Variants in PEPD observed in about 807,000 individuals in gnomAD.
PEPD encodes the protein xaa-Pro dipeptidase.
A neutral mutation model predicts 60.7 loss-of-function variants in PEPD; 53 were observed. The ratio of observed to expected loss-of-function variants is 0.87; its 90% CI spans 0.70 to 1.10. The LOEUF is 1.10. Ranked by LOEUF, PEPD falls within the 50% of genes least tolerant of loss-of-function variation. The probability of loss-of-function intolerance (pLI) is 0.00; values close to 1 mark genes in which losing one functional copy is unlikely to be tolerated. For synonymous variants in PEPD, 267 were observed against 284.1 expected (o/e 0.94, Z 0.60); for missense variants, 711 against 711.9 (o/e 1.00, Z 0.01).
intron 1 of PEPD, among the ~76,000 whole-genome samples, chr19:33,520,673 G>A (rs1371623401): frequency 1.3e-5 from 2 of 152,094 alleles, no homozygotes; most frequent in Non-Finnish European, 2.9e-5. Context: ...ACTTTCTGTT[G>A]CCATTTTCCC....
chr19:33,401,237 C>A (rs535484668), intron 12 of PEPD, among the ~76,000 whole-genome samples: 1 of 152,242 alleles, frequency 6.6e-6, no homozygotes, highest in Non-Finnish European at 1.5e-5. Context: ...GTGCTTTACA[C>A]AGCTTAACTC....
Position 33,488,000 on chromosome 19 carries a change from G to C in PEPD, c.503+1996C>G, listed in dbSNP as rs530118756. On this transcript the variant is annotated intron_variant, in intron 6 of 14. Transcript: ENST00000244137. ...GGAACCTCAAGGAGCAGCTGGCAGA[G>C]CTCTGCTTCAGAGGCCACATCTTGA... Among the ~76,000 whole-genome samples, 4 of 152,196 alleles carry C rather than the reference G, an allele frequency of 2.6e-5. No individual in the cohort carries two copies. The East Asian group carries it at 7.8e-4, about 30-fold the overall frequency.
chr19:33,445,570 GA>G (rs1224912595), intron 9 of PEPD, among the ~76,000 whole-genome samples: 1 of 152,216 alleles, frequency 6.6e-6, no homozygotes, highest in Non-Finnish European at 1.5e-5. Flanking sequence ...GCAAGCCCAG[GA>G]GAGAGGCCTC....
intron 14 of PEPD, 188 bp downstream of exon 14, chr19:33,387,702 T>G: frequency 1.3e-6 from 1 of 766,078 alleles, no homozygotes; most frequent in Non-Finnish European, 2.2e-6. Flanking sequence ...GCAGGGGTTT[T>G]GCAGGATCTC....
chr19:33,401,147 C>T (rs1968480075), intron 12 of PEPD, among the ~76,000 whole-genome samples: 2 of 152,224 alleles, frequency 1.3e-5, no homozygotes, highest in Non-Finnish European at 2.9e-5. Context: ...AACACCAGGC[C>T]CATCCTGGCC....
intron 9 of PEPD, among the ~76,000 whole-genome samples, chr19:33,448,006 T>C (rs1207499726): frequency 6.6e-6 from 1 of 152,158 alleles, no homozygotes; most frequent in Non-Finnish European, 1.5e-5. Context: ...TATCATAAAT[T>C]ACCTCCAGGC....
chr19:33,485,818 T>C (rs4805894), intron 6 of PEPD, among the ~76,000 whole-genome samples: 6,077 of 152,228 alleles, frequency 0.04, 310 homozygotes, highest in Admixed American at 0.16. Context: ...AGTGTATTTC[T>C]TACACTGATG....
intron 6 of PEPD, among the ~76,000 whole-genome samples, chr19:33,483,842 G>T (rs1410675491): frequency 6.6e-6 from 1 of 151,860 alleles, no homozygotes; most frequent in East Asian, 1.9e-4. Flanking sequence ...CTTTAAAAAA[G>T]AAAAAAAGAC....
chr19:33,499,939 C>T (rs1970677622), intron 4 of PEPD, among the ~76,000 whole-genome samples: 1 of 152,236 alleles, frequency 6.6e-6, no homozygotes, highest in Non-Finnish European at 1.5e-5. Context: ...GCTTCTCACC[C>T]AGTGCCGTCA....
intron 13 of PEPD, among the ~76,000 whole-genome samples, chr19:33,390,696 G>A (rs1051190682): frequency 2.3e-4 from 35 of 152,240 alleles, no homozygotes; most frequent in African/African-American, 8.4e-4. Flanking sequence ...CTGAGGGCCG[G>A]GGAACCTTGT....
intron 12 of PEPD, among the ~76,000 whole-genome samples, chr19:33,400,162 G>T (rs1276821483): frequency 3.3e-5 from 5 of 152,208 alleles, no homozygotes; most frequent in African/African-American, 1.2e-4. Context: ...ATAGCTGTGG[G>T]TGAGAGGCAG....
rs1344729864 is a variant in PEPD at position 33,441,686 on chromosome 19, T to C, written c.671+21309A>G. Among the ~76,000 whole-genome samples the C allele has an allele frequency of 2.0e-5, 3 of 152,198 alleles. No homozygotes were observed. In the East Asian group the frequency reaches 5.8e-4, roughly 29 times the overall value. ...GCTGCAGCAATGGCCCCTGGCTTCC[T>C]GGCTGAGGCCGACCTTGACCCAGAG... On this transcript the variant is annotated intron_variant, in intron 9 of 14. Coordinates refer to ENST00000244137, the MANE Select transcript of PEPD (RefSeq NM_000285.4).
chr19:33,394,379 C>T (rs576102921), intron 12 of PEPD, among the ~76,000 whole-genome samples: 4 of 152,356 alleles, frequency 2.6e-5, no homozygotes, highest in South Asian at 4.1e-4. Context: ...GCAGGCCCGG[C>T]GCCGCCCAGA....
chr19:33,507,067 C>T (rs1189909894), intron 3 of PEPD, among the ~76,000 whole-genome samples: 1 of 152,116 alleles, frequency 6.6e-6, no homozygotes, highest in Admixed American at 6.5e-5. Flanking sequence ...CCCACACATA[C>T]ACCATGCATG....
intron 4 of PEPD, among the ~76,000 whole-genome samples, chr19:33,497,817 TC>T (rs1292498480): frequency 6.6e-6 from 1 of 152,036 alleles, no homozygotes; most frequent in African/African-American, 2.4e-5. Flanking sequence ...TTTGGCAGGC[TC>T]CCTTCAGAGC....
intron 5 of PEPD, among the ~76,000 whole-genome samples, chr19:33,491,069 C>T (rs1027397490): frequency 5.3e-5 from 8 of 152,286 alleles, no homozygotes; most frequent in Non-Finnish European, 8.8e-5. Flanking sequence ...ATAATCATCT[C>T]ACATAAGTTT....
At chr19:33,513,769 C>T (rs966353356) in intron 1 of PEPD, among the ~76,000 whole-genome samples, 1 of 151,744 alleles carries the variant, frequency 6.6e-6, no homozygotes, top group African/African-American at 2.4e-5. Flanking sequence ...TACTGTGGCA[C>T]GGGCATCCTC....
chr19:33,414,407 A>T (rs1968844347), intron 9 of PEPD, among the ~76,000 whole-genome samples: 1 of 152,198 alleles, frequency 6.6e-6, no homozygotes, highest in African/African-American at 2.4e-5. Flanking sequence ...CACTGCATGG[A>T]TCTTTGAGCT....
chr19:33,387,760 C>T (rs77163581), intron 14 of PEPD, 130 bp downstream of exon 14: 20,308 of 849,922 alleles, frequency 0.024, 319 homozygotes, highest in Middle Eastern at 0.059. Flanking sequence ...ACAGACCACA[C>T]GAAGGGGCAG....
Sources: allele counts gnomAD v4.1 joint callset (sites outside exome capture counted in the v4.1 genomes callset), GRCh38; gene constraint gnomAD v4.1.1; transcripts MANE v1.5; gene names NCBI Gene and HGNC (gene_info 2026-07-23, HGNC 2026-07-21).